THNSL1: variants seen among roughly 807,000 people sequenced by gnomAD.
The protein encoded by THNSL1 is threonine synthase-like 1.
In THNSL1, 48 loss-of-function variants were observed where a neutral mutation model predicts 50.4. The observed-to-expected ratio is 0.95, with a 90% CI of 0.76 to 1.21. The LOEUF is 1.21. Among genes scored for constraint, THNSL1 ranks in the 50% most tolerant of loss-of-function variants. The probability of loss-of-function intolerance (pLI) is 0.00; values close to 1 mark genes in which losing one functional copy is unlikely to be tolerated. For missense variants in THNSL1, 896 were observed against 871.7 expected, an observed-to-expected ratio of 1.03 and a Z score of -0.35; for synonymous variants, 309 against 306.1, an observed-to-expected ratio of 1.01 and a Z score of -0.10.
the THNSL1 span, among the ~76,000 whole-genome samples, chr10:24,986,488 T>G: frequency 6.6e-6 from 1 of 152,200 alleles, no homozygotes; most frequent in Non-Finnish European, 1.5e-5. Flanking sequence ...TCAAAAGAAT[T>G]CTATTTCTCC....
At chr10:25,008,502 T>A in the THNSL1 span, among the ~76,000 whole-genome samples, 1 of 152,200 alleles carries the variant, frequency 6.6e-6, no homozygotes, top group Non-Finnish European at 1.5e-5. Flanking sequence ...CATGTAAGTG[T>A]TAACAGTATT....
chr10:25,007,639 T>C, the THNSL1 span, among the ~76,000 whole-genome samples: 161 of 152,264 alleles, frequency 1.1e-3, 1 homozygote, highest in African/African-American at 3.8e-3. Context: ...TTTCACCATG[T>C]TAGCCAGGAT....
At position 25,021,870 on chromosome 10, in the gene THNSL1, G is replaced by A. The variant is rs1850725592; in HGVS notation, c.-87G>A. The A allele has an allele frequency of 6.6e-6, 1 of 152,058 alleles. No individual in the cohort carries two copies. The highest frequency in any genetic ancestry group is 2.4e-5 in the African/African-American group (1 of 41,402). The allele number at this position is 152,058 out of a possible 1,614,324, so 9.4% of individuals were successfully genotyped here. A position where few individuals can be genotyped will look rare whatever the true frequency, so the allele number is the denominator to read the frequency against. On this transcript the variant is annotated 5_prime_UTR_variant, in exon 2 of 3. Coordinates refer to ENST00000376356, the MANE Select transcript of THNSL1 (RefSeq NM_024838.5). ...ACATATAAATTGAAAAGTCAAATAA[G>A]GAAATGAATTACCTCCCTTGACGGC...
At chr10:25,020,740 C>CAA (rs36007062) in intron 1 of THNSL1, among the ~76,000 whole-genome samples, 5 of 134,084 alleles carry the variant, frequency 3.7e-5, no homozygotes, top group African/African-American at 5.9e-5. Context: ...GACCCTTTCT[C>CAA]AAAAAAAAAA....
rs562222103 is a variant in THNSL1 at position 25,023,873 on chromosome 10, T to C, written c.650T>C (p.Leu217Pro). The change falls in exon 3 of 3, where the codon CTG becomes CCG. Residue 217 changes from leucine to proline, a missense_variant. Leu to Pro is a moderately conservative substitution (Grantham distance 98). Transcript: ENST00000376356. Reference protein sequence around the residue: ...ASPEEVADKVLNAIKRYQDVD... With the variant: ...ASPEEVADKVPNAIKRYQDVD... ...CCAGAGGAGGTAGCTGACAAAGTGC[T>C]GAATGCAATTAAAAGATACCAAGAT... 1.9e-6 allele frequency: 3 copies of C among 1,614,210 alleles called. No homozygotes were observed. The East Asian group carries it at 6.7e-5, about 36-fold the overall frequency.
At chr10:25,006,591 C>G in the THNSL1 span, among the ~76,000 whole-genome samples, 1 of 152,178 alleles carries the variant, frequency 6.6e-6, no homozygotes, top group African/African-American at 2.4e-5. Context: ...ATTTGTAGCT[C>G]TACCTTACTT....
chr10:24,961,045 T>C, the THNSL1 span, among the ~76,000 whole-genome samples: 5 of 152,242 alleles, frequency 3.3e-5, no homozygotes, highest in African/African-American at 1.2e-4. Flanking sequence ...AGTGCAAAGG[T>C]ATTTTTCCAT....
chr10:24,996,697 C>T, the THNSL1 span, among the ~76,000 whole-genome samples: 1 of 152,152 alleles, frequency 6.6e-6, no homozygotes, highest in African/African-American at 2.4e-5. Flanking sequence ...TGACTTTATT[C>T]ATTTCTGCAT....
At chr10:24,993,294 T>G in the THNSL1 span, among the ~76,000 whole-genome samples, 1 of 152,250 alleles carries the variant, frequency 6.6e-6, no homozygotes, top group South Asian at 2.1e-4. Flanking sequence ...TATTATACTA[T>G]TCACTCTTTG....
At chr10:24,960,036 C>A in the THNSL1 span, among the ~76,000 whole-genome samples, 1 of 151,970 alleles carries the variant, frequency 6.6e-6, no homozygotes, top group African/African-American at 2.4e-5. Flanking sequence ...CTCCCTACCC[C>A]CACCTCCATC....
chr10:24,979,409 T>G, the THNSL1 span, among the ~76,000 whole-genome samples: 1 of 151,042 alleles, frequency 6.6e-6, no homozygotes, highest in Admixed American at 6.6e-5. Context: ...CTACTCAGAG[T>G]CAGGAGAAAG....
chr10:24,979,421 C>G, the THNSL1 span, among the ~76,000 whole-genome samples: 5 of 152,192 alleles, frequency 3.3e-5, no homozygotes, highest in African/African-American at 1.2e-4. Context: ...AGGAGAAAGT[C>G]TTGGCCAGGG....
the THNSL1 span, chr10:24,984,674 TA>T: frequency 2.7e-6 from 4 of 1,470,822 alleles, no homozygotes; most frequent in Admixed American, 2.4e-5. Flanking sequence ...TGGAGTTTTT[TA>T]TATTTTCCAT....
chr10:24,966,321 A>G, the THNSL1 span, among the ~76,000 whole-genome samples: 1 of 152,250 alleles, frequency 6.6e-6, no homozygotes, highest in East Asian at 1.9e-4. Context: ...CTAATAAAGG[A>G]GAGACCCCAA....
In THNSL1 at chr10:25,025,122, T is replaced by C. The variant is rs1366626286; in HGVS notation, c.1899T>C (p.Asn633=). 14 of 1,613,934 alleles carry C rather than the reference T, an allele frequency of 8.7e-6. No individual in the cohort carries two copies. The highest frequency in any genetic ancestry group is 1.3e-5 in the African/African-American group (1 of 74,860). The change falls in exon 3 of 3, where the codon AAT becomes AAC. Residue 633 remains asparagine, a synonymous_variant. Transcript: ENST00000376356. ...ECLAAINSTY[N]TSGYILDPHT... ...TAGCAGCTATTAACTCCACCTATAA[T>C]ACTTCAGGGTATATTTTGGATCCAC...
At chr10:24,970,497 G>C in the THNSL1 span, among the ~76,000 whole-genome samples, 1 of 151,768 alleles carries the variant, frequency 6.6e-6, no homozygotes, top group East Asian at 1.9e-4. Context: ...ATCACTTGAG[G>C]CCAGGAGTTG....
At position 25,023,406 on chromosome 10, in the gene THNSL1, G is replaced by A; in HGVS notation, c.183G>A (p.Met61Ile). Residue 61 changes from methionine (M) to isoleucine (I), a missense_variant, in exon 3 of 3, where the codon ATG becomes ATA. Met to Ile is a conservative substitution (Grantham distance 10). Coordinates refer to ENST00000376356, the MANE Select transcript of THNSL1 (RefSeq NM_024838.5). ...SLVGDKNIIL[M>I]GPPGAGKTTV... ...TTGGAGACAAAAATATTATCCTGAT[G>A]GGACCTCCTGGTGCTGGGAAAACAA... 1 of 1,614,100 alleles carries A rather than the reference G, an allele frequency of 6.2e-7. No individual in the cohort carries two copies. Among genetic ancestry groups the A allele is most frequent in the Non-Finnish European group, 8.5e-7 (1 of 1,179,996 alleles).
the THNSL1 span, among the ~76,000 whole-genome samples, chr10:25,005,302 A>G: frequency 0.054 from 8,244 of 152,302 alleles, 614 homozygotes; most frequent in African/African-American, 0.16. Context: ...TACCAAAACT[A>G]TATTTTACCA....
the THNSL1 span, chr10:24,952,733 A>G: frequency 2.8e-6 from 2 of 721,282 alleles, no homozygotes; most frequent in South Asian, 2.0e-5. The surrounding 1 kb of genome is among the most constrained non-coding windows in gnomAD (Gnocchi z 5.1). Context: ...GGCGGGAAGC[A>G]GCGGCCTGAC....
Sources: allele counts gnomAD v4.1 joint callset (sites outside exome capture counted in the v4.1 genomes callset), GRCh38; gene constraint gnomAD v4.1.1; non-coding constraint Gnocchi (gnomAD v3.1); transcripts MANE v1.5; gene names NCBI Gene and HGNC (gene_info 2026-07-23, HGNC 2026-07-21).